Variants in KDM2A observed in about 807,000 individuals in gnomAD.
KDM2A encodes the protein lysine demethylase 2A, also known as lysine-specific demethylase 2A.
Under a neutral mutation model 137.3 loss-of-function variants are expected in KDM2A, and 3 were observed. The ratio of observed to expected loss-of-function variants is 0.02; its 90% CI spans 0.01 to 0.06. The LOEUF (loss-of-function observed/expected upper bound fraction) is 0.06, where lower values mean the gene tolerates loss of function less well. Among genes scored for constraint, KDM2A ranks in the 10% least tolerant of loss-of-function variants. The pLI, the probability that KDM2A is intolerant of heterozygous loss-of-function variation, is 1.00. For missense variants in KDM2A, 738 were observed against 1,510.6 expected (o/e 0.49, Z 8.48); for synonymous variants, 512 against 541.5 (o/e 0.95, Z 0.76).
intron 2 of KDM2A, among the ~76,000 whole-genome samples, chr11:67,163,884 A>G (rs1034081968): frequency 5.9e-5 from 9 of 151,668 alleles, no homozygotes; most frequent in Non-Finnish European, 1.0e-4. Context: ...ACAGTTGCTG[A>G]TATTTTTTGA....
intron 11 of KDM2A, among the ~76,000 whole-genome samples, chr11:67,228,686 GAAAA>G (rs139339570): frequency 1.5e-4 from 16 of 104,992 alleles, no homozygotes; most frequent in South Asian, 3.4e-4. Flanking sequence ...ACCCTGTTGC[GAAAA>G]AAAAAAAAAA....
At chr11:67,147,714 G>T (rs2136302769) in intron 2 of KDM2A, among the ~76,000 whole-genome samples, 2 of 150,548 alleles carry the variant, frequency 1.3e-5, no homozygotes, top group African/African-American at 2.4e-5. Context: ...GTCTTGCAGT[G>T]TCGCCTGAGC....
chr11:67,223,313 A>G (rs1858427457), intron 10 of KDM2A, among the ~76,000 whole-genome samples: 2 of 152,254 alleles, frequency 1.3e-5, no homozygotes, highest in African/African-American at 4.8e-5. Context: ...GCTATAATTA[A>G]TACAGTCTTA....
intron 10 of KDM2A, among the ~76,000 whole-genome samples, chr11:67,223,383 TC>T (rs200974599): frequency 0.023 from 3,368 of 146,958 alleles, 81 homozygotes; most frequent in African/African-American, 0.059. Context: ...CTTCCTTTTT[TC>T]TTTCTTATTT....
intron 12 of KDM2A, among the ~76,000 whole-genome samples, chr11:67,236,104 G>A (rs371455032): frequency 1.3e-5 from 2 of 152,086 alleles, no homozygotes; most frequent in Non-Finnish European, 2.9e-5. Flanking sequence ...GGCACAATAG[G>A]ATAGTAGTAG....
chr11:67,197,175 CT>C (rs11290221), intron 5 of KDM2A: 123,876 of 137,542 alleles, frequency 0.9, 55,947 homozygotes, highest in Middle Eastern at 0.97. Flanking sequence ...CAGAAATAAA[CT>C]TTTTTTTTTT....
At chr11:67,211,743 T>A (rs1042594134) in intron 6 of KDM2A, among the ~76,000 whole-genome samples, 9 of 152,076 alleles carry the variant, frequency 5.9e-5, no homozygotes, top group African/African-American at 2.2e-4. Flanking sequence ...CTAAAAACTT[T>A]GATCTGTCAC....
chr11:67,249,912 A>G (rs1183311687), intron 16 of KDM2A, among the ~76,000 whole-genome samples, 174 bp from the exon 17 acceptor site: 6 of 152,142 alleles, frequency 3.9e-5, no homozygotes, highest in Admixed American at 3.9e-4. Flanking sequence ...CAGGTGGATC[A>G]CTTGAGCCCA....
chr11:67,236,336 G>A (rs1276054272), intron 12 of KDM2A, among the ~76,000 whole-genome samples: 1 of 152,008 alleles, frequency 6.6e-6, no homozygotes, highest in Non-Finnish European at 1.5e-5. Context: ...TTACCATGTT[G>A]GCCAGGCTGG....
chr11:67,180,162 G>A lies in KDM2A; in HGVS notation c.126G>A (p.Glu42=). The part of the protein sequence containing the change: ...IEGKRTFDLE[E]KLHTNKYNAN... ...GAAAAAGAACTTTTGACTTGGAAGA[G>A]AAACTGCACACCAACAAATATAATG... The change falls in exon 3 of 21, where the codon GAG becomes GAA. Residue 42 remains glutamate, a synonymous_variant. Transcript: ENST00000529006. 1 of 1,613,890 alleles carries A rather than the reference G, an allele frequency of 6.2e-7. No individual in the cohort carries two copies. The highest frequency in any genetic ancestry group is 2.2e-5 in the East Asian group (1 of 44,868).
chr11:67,128,675 G>A (rs1352461920), intron 2 of KDM2A, among the ~76,000 whole-genome samples: 1 of 151,996 alleles, frequency 6.6e-6, no homozygotes, highest in African/African-American at 2.4e-5. Flanking sequence ...TTAAATTTAA[G>A]CCCTATTATT....
intron 2 of KDM2A, among the ~76,000 whole-genome samples, chr11:67,127,512 A>G (rs781015075): frequency 1.3e-5 from 2 of 152,104 alleles, no homozygotes; most frequent in African/African-American, 2.4e-5. Context: ...TTTCTAAAAG[A>G]TGTTATTATC....
At chr11:67,225,093 G>A (rs541731205) in intron 10 of KDM2A, among the ~76,000 whole-genome samples, 3 of 151,946 alleles carry the variant, frequency 2.0e-5, no homozygotes, top group Admixed American at 6.6e-5. Context: ...CTCCCAAAGC[G>A]CTGGGATTAC....
Position 67,250,377 on chromosome 11 carries a change from A to G in KDM2A, c.2347A>G (p.Lys783Glu). ...GGAAAAGGAGAACAATCCCAGCGGC[A>G]AAAAGGAGCTGTCTGAAGTTGAGAA... The part of the protein sequence containing the change: ...VREKENNPSG[K>E]KELSEVEKAK... The change falls in exon 17 of 21, where the codon AAA becomes GAA. Residue 783 changes from lysine to glutamate, a missense_variant. Physicochemically the swap from Lys to Glu is moderately conservative, Grantham distance 56. This residue lies in a region of KDM2A where 244 missense variants were observed against 324.6 expected (regional missense o/e 0.75). Coordinates refer to ENST00000529006, the MANE Select transcript of KDM2A (RefSeq NM_012308.3). The surrounding 1 kb of genome is among the most constrained non-coding windows in gnomAD (Gnocchi z 7.1). 6.2e-7 allele frequency: 1 copy of G among 1,614,014 alleles called. No individual in the cohort carries two copies. The highest frequency in any genetic ancestry group is 1.1e-5 in the South Asian group (1 of 91,088).
At chr11:67,232,798 C>T (rs1307468327) in intron 12 of KDM2A, among the ~76,000 whole-genome samples, 4 of 151,978 alleles carry the variant, frequency 2.6e-5, no homozygotes, top group African/African-American at 7.3e-5. Flanking sequence ...ACCTCCACCT[C>T]CCGGGTTCAA....
At chr11:67,177,441 T>C (rs183643163) in intron 2 of KDM2A, among the ~76,000 whole-genome samples, 86 of 152,354 alleles carry the variant, frequency 5.6e-4, no homozygotes, top group African/African-American at 1.9e-3. Context: ...TATAAGCTTT[T>C]GTCTACTAAA....
chr11:67,133,971 C>G (rs369354402), intron 2 of KDM2A, among the ~76,000 whole-genome samples: 2 of 152,240 alleles, frequency 1.3e-5, no homozygotes, highest in East Asian at 3.9e-4. Flanking sequence ...GGATTAGAGG[C>G]GTGAGCCACC....
At chr11:67,231,440 C>A (rs546380668) in intron 11 of KDM2A, 126 bp from the exon 12 acceptor site, 13 of 863,428 alleles carry the variant, frequency 1.5e-5, no homozygotes, top group Non-Finnish European at 2.1e-5. Context: ...TAAAGATAGA[C>A]CATTTTTTTA....
chr11:67,225,552 C>T (rs1858514079), intron 10 of KDM2A, among the ~76,000 whole-genome samples: 1 of 152,060 alleles, frequency 6.6e-6, no homozygotes, highest in African/African-American at 2.4e-5. Flanking sequence ...GGGTGGATCA[C>T]CTGACGTTGG....
Sources: gnomAD v4.1 joint callset for allele counts (sites outside exome capture counted in the v4.1 genomes callset) on GRCh38, gnomAD v4.1.1 for gene constraint, gnomAD v4.1.1 regional missense constraint, Gnocchi (gnomAD v3.1) non-coding constraint, MANE v1.5 for transcripts, NCBI Gene and HGNC (gene_info 2026-07-23, HGNC 2026-07-21) for gene names.